The following GABRR3 variants were observed in gnomAD, a reference collection of about 807,000 sequenced individuals.
GABRR3 encodes the protein gamma-aminobutyric acid type A receptor subunit rho3, also known as gamma-aminobutyric acid receptor subunit rho-3.
Under a neutral mutation model 43.2 loss-of-function variants are expected in GABRR3, and 29 were observed. The ratio of observed to expected loss-of-function variants is 0.67; its 90% CI spans 0.50 to 0.92. GABRR3 has a LOEUF of 0.92. Ranked by LOEUF, GABRR3 falls within the 40% of genes least tolerant of loss-of-function variation. The pLI, the probability that GABRR3 is intolerant of heterozygous loss-of-function variation, is 0.00. For synonymous variants in GABRR3, 206 were observed against 195.9 expected (o/e 1.05, Z -0.43); for missense variants, 576 against 572.3 (o/e 1.01, Z -0.07).
chr3:97,999,601 A>C (rs1381715570), intron 8 of GABRR3: 1 of 152,172 alleles, frequency 6.6e-6, no homozygotes, highest in African/African-American at 2.4e-5. Context: ...AGCAGGAAAG[A>C]GAAAAGGAAA....
intron 2 of GABRR3, among the ~76,000 whole-genome samples, chr3:98,031,473 G>A (rs1168561128): frequency 2.0e-5 from 3 of 152,260 alleles, no homozygotes; most frequent in East Asian, 3.9e-4. Context: ...CTGTGGGCAC[G>A]GTGGCTCATG....
chr3:97,999,339 C>T (rs1382875662), intron 8 of GABRR3: 1 of 152,134 alleles, frequency 6.6e-6, no homozygotes, highest in East Asian at 1.9e-4. Flanking sequence ...TCCTTACTAT[C>T]ATCCAGCTAC....
At chr3:98,023,213 G>T (rs1022724406) in intron 3 of GABRR3, among the ~76,000 whole-genome samples, 3 of 152,110 alleles carry the variant, frequency 2.0e-5, no homozygotes, top group African/African-American at 7.2e-5. Flanking sequence ...TACATTCAAG[G>T]ATAGTCATTT....
rs116936852 is a variant in GABRR3 at position 98,002,144 on chromosome 3, T to G, written c.755-377A>C. Among the ~76,000 whole-genome samples, 36 of 152,206 alleles carry G rather than the reference T, an allele frequency of 2.4e-4. No homozygotes were observed. In the East Asian group the frequency reaches 7.0e-3, roughly 29 times the overall value. On this transcript the variant is annotated intron_variant, in intron 7 of 9. Transcript: ENST00000621172. The stretch of plus-strand genomic sequence containing the variant: ...AAGAACCAATAAACCATTTATTAGC[T>G]ATAACAAATGAAAAAAACATTTAAC...
exon 10 of GABRR3, chr3:97,986,752 G>C: frequency 6.3e-7 from 1 of 1,598,092 alleles, no homozygotes; most frequent in Non-Finnish European, 8.5e-7. Flanking sequence ...TCCTAGAATA[G>C]GTGTCAATGA....
intron 7 of GABRR3, among the ~76,000 whole-genome samples, chr3:98,002,283 TA>T (rs1706658088): frequency 6.6e-6 from 1 of 152,198 alleles, no homozygotes; most frequent in African/African-American, 2.4e-5. Context: ...TTTACAATTT[TA>T]AAGTCTCACA....
At chr3:98,022,702 T>TCA (rs1252932109) in intron 3 of GABRR3, among the ~76,000 whole-genome samples, 1 of 152,116 alleles carries the variant, frequency 6.6e-6, no homozygotes, top group Non-Finnish European at 1.5e-5. Flanking sequence ...AACTGACTAA[T>TCA]CACACAAGCC....
At chr3:98,029,874 G>C (rs1388870162) in intron 2 of GABRR3, among the ~76,000 whole-genome samples, 2 of 152,048 alleles carry the variant, frequency 1.3e-5, no homozygotes, top group African/African-American at 2.4e-5. Flanking sequence ...CCAGCACTTT[G>C]GGAGGCGAAG....
intron 3 of GABRR3, among the ~76,000 whole-genome samples, chr3:98,019,550 C>T (rs1239159733): frequency 2.0e-5 from 3 of 152,142 alleles, no homozygotes; most frequent in Non-Finnish European, 4.4e-5. Context: ...TTCTTCCTGA[C>T]ATATTGGATC....
intron 2 of GABRR3, among the ~76,000 whole-genome samples, chr3:98,032,890 A>G (rs1335007335): frequency 6.6e-6 from 1 of 152,148 alleles, no homozygotes; most frequent in Non-Finnish European, 1.5e-5. Flanking sequence ...TAATTCATTC[A>G]TTACTTAATT....
At chr3:97,990,496 C>T (rs1706450935) in intron 9 of GABRR3, among the ~76,000 whole-genome samples, 1 of 151,980 alleles carries the variant, frequency 6.6e-6, no homozygotes, top group South Asian at 2.1e-4. Flanking sequence ...TTACAGGTTC[C>T]CACCACACGC....
chr3:98,029,028 G>T (rs1707055701), intron 2 of GABRR3, among the ~76,000 whole-genome samples: 1 of 148,506 alleles, frequency 6.7e-6, no homozygotes, highest in African/African-American at 2.5e-5. Context: ...CCCCATTCTA[G>T]AAAAAAAAAA....
At chr3:98,019,456 C>T (rs1201065028) in intron 3 of GABRR3, among the ~76,000 whole-genome samples, 1 of 152,154 alleles carries the variant, frequency 6.6e-6, no homozygotes, top group African/African-American at 2.4e-5. Flanking sequence ...TCAAGGGTTT[C>T]AGGTGGCCAG....
chr3:98,012,389 A>C (rs1324468073), exon 5 of GABRR3: 5 of 1,613,960 alleles, frequency 3.1e-6, no homozygotes, highest in Non-Finnish European at 4.2e-6. Flanking sequence ...GCGCAGCATG[A>C]TATTCTCCAT....
At chr3:97,996,139 C>T (rs1706550845) in intron 8 of GABRR3, among the ~76,000 whole-genome samples, 1 of 152,104 alleles carries the variant, frequency 6.6e-6, no homozygotes, top group South Asian at 2.1e-4. Flanking sequence ...AAGACAGGCA[C>T]CACTTATGAA....
intron 3 of GABRR3, among the ~76,000 whole-genome samples, chr3:98,020,634 C>T (rs1706930366): frequency 1.3e-5 from 2 of 151,976 alleles, no homozygotes; most frequent in Admixed American, 1.3e-4. Flanking sequence ...CTCCAAGGAC[C>T]TATTTATGCC....
intron 7 of GABRR3, among the ~76,000 whole-genome samples, chr3:98,006,479 C>T (rs2107235550): frequency 6.6e-6 from 1 of 152,304 alleles, no homozygotes; most frequent in East Asian, 1.9e-4. Context: ...TTTAACTTCT[C>T]TGCAATGTCA....
At chr3:98,007,795 T>G in exon 7 of GABRR3, 1 of 1,613,564 alleles carries the variant, frequency 6.2e-7, no homozygotes, top group Non-Finnish European at 8.5e-7. Flanking sequence ...ATCCACTAGA[T>G]GCACTGAAGT....
intron 3 of GABRR3, among the ~76,000 whole-genome samples, chr3:98,022,086 A>G (rs1429526076): frequency 6.6e-6 from 1 of 152,216 alleles, no homozygotes; most frequent in South Asian, 2.1e-4. Context: ...CTGTGCAAGC[A>G]GCTTTTATAA....
Sources: allele counts gnomAD v4.1 joint callset (sites outside exome capture counted in the v4.1 genomes callset), GRCh38; gene constraint gnomAD v4.1.1; transcripts MANE v1.5; gene names NCBI Gene and HGNC (gene_info 2026-07-23, HGNC 2026-07-21).